Variants in LHX9 observed in about 807,000 individuals in gnomAD.
The protein encoded by LHX9 is LIM/homeobox protein Lhx9.
LHX9 carries 9 observed loss-of-function variants against 36.5 expected under a neutral mutation model. The observed-to-expected ratio is 0.25, with a 90% CI of 0.15 to 0.43. The LOEUF (loss-of-function observed/expected upper bound fraction) is 0.43. Ranked by LOEUF, LHX9 falls within the 20% of genes least tolerant of loss-of-function variation. LHX9 has a pLI of 1.00. For missense variants in LHX9, 464 were observed against 526.4 expected (o/e 0.88, Z 1.16); for synonymous variants, 211 against 212.1 (o/e 0.99, Z 0.04).
chr1:197,932,097 A>G lies in LHX9; in HGVS notation c.*2838A>G. ...AAGCCAAAAAAAAAGAGAGAGAGAG[A>G]GACTTAAATGTCATTTACTGAATGT... On this transcript the variant is annotated 3_prime_UTR_variant, in exon 5 of 5. Coordinates refer to ENST00000367387, the MANE Select transcript of LHX9 (RefSeq NM_020204.3). 4 of 678,312 alleles carry G rather than the reference A, an allele frequency of 5.9e-6. No homozygotes were observed. Among genetic ancestry groups the G allele is most frequent in the Non-Finnish European group, 9.9e-6 (4 of 404,988 alleles). The allele number at this position is 678,312 out of a possible 1,614,324, so 42.0% of individuals were successfully genotyped here. A position where few individuals can be genotyped will look rare whatever the true frequency, so the allele number is the denominator to read the frequency against.
chr1:197,931,850 T>C lies in LHX9; in HGVS notation c.*2591T>C. On this transcript the variant is annotated 3_prime_UTR_variant, in exon 5 of 5. Transcript: ENST00000367387. Reference sequence around the variant, plus strand: ...ACAAATGGATATTTGTAAATCTAAATAGAAATTGCAGACCCCTAAAAGCCA... The same window carrying C: ...ACAAATGGATATTTGTAAATCTAAACAGAAATTGCAGACCCCTAAAAGCCA... 4 of 1,017,694 alleles carry C rather than the reference T, an allele frequency of 3.9e-6. No individual in the cohort carries two copies. Among genetic ancestry groups the C allele is most frequent in the Admixed American group, 4.3e-5 (2 of 46,794 alleles). 63.0% of individuals were successfully genotyped at this position (1,017,694 alleles called of 1,614,324 possible).
Position 197,917,975 on chromosome 1 carries a change from C to A in LHX9, c.152C>A (p.Ala51Asp). The A allele has an allele frequency of 6.2e-7, 1 of 1,613,500 alleles. No homozygotes were observed. Among genetic ancestry groups the A allele is most frequent in the Non-Finnish European group, 8.5e-7 (1 of 1,179,702 alleles). The change falls in exon 1 of 5, where the codon GCC (alanine) becomes GAC (aspartate). Residue 51 changes from alanine to aspartate, a missense_variant. This residue lies in a region of LHX9 where 119 missense variants were observed against 102.4 expected (regional missense o/e 1.16). Transcript: ENST00000367387. ...ACTGAGGCCCGTCTGGCCAAAGGCG[C>A]CCAGCTCAACGGCCGCGACGCGGTA... ...SKTEARLAKG[A>D]QLNGRDAGMP...
chr1:197,923,495 CAGAGAGAG>C (rs148599324), intron 3 of LHX9, among the ~76,000 whole-genome samples: 3 of 147,666 alleles, frequency 2.0e-5, no homozygotes, highest in Non-Finnish European at 3.0e-5. Flanking sequence ...CCCTAATTCC[CAGAGAGAG>C]AGAGAGAGAG....
chr1:197,917,220 C>A, upstream of LHX9: 1 of 1,196,052 alleles, frequency 8.4e-7, no homozygotes, highest in Non-Finnish European at 1.1e-6. Flanking sequence ...GTCCTGCTTG[C>A]CCATCACCAG....
rs867426006 is a variant in LHX9 at position 197,929,517 on chromosome 1, A to T, written c.*258A>T. 42 of 963,684 alleles carry T rather than the reference A, an allele frequency of 4.4e-5. No homozygotes were observed. In the African/African-American group the frequency reaches 6.5e-4, roughly 15 times the overall value. 59.7% of individuals were successfully genotyped at this position (963,684 alleles called of 1,614,324 possible). A position where few individuals can be genotyped will look rare whatever the true frequency, so the allele number is the denominator to read the frequency against. The stretch of plus-strand genomic sequence containing the variant: ...AAATTAATTAGGTCTTTCAGTTGGT[A>T]AGGAGAGTTTTTGAATAATTCTAAT... On this transcript the variant is annotated 3_prime_UTR_variant, in exon 5 of 5. Coordinates refer to ENST00000367387, the MANE Select transcript of LHX9 (RefSeq NM_020204.3).
upstream of LHX9, chr1:197,912,536 T>A (rs1027278284): frequency 1.2e-6 from 2 of 1,614,126 alleles, no homozygotes; most frequent in African/African-American, 2.7e-5. Context: ...CTAAGAATGC[T>A]GAACGGTACC....
rs1660416671 is a variant in LHX9 at position 197,935,019 on chromosome 1, G to A, written c.*5760G>A. ...AGAGGGAAAGTTTAGAACTGTGCATGATACTCAAGGAAAAGTCTATGAATA... is the reference window on the plus strand; with the variant it reads ...AGAGGGAAAGTTTAGAACTGTGCATAATACTCAAGGAAAAGTCTATGAATA... On this transcript the variant is annotated 3_prime_UTR_variant, in exon 5 of 5. Transcript: ENST00000367387. 6.6e-6 allele frequency: 1 copy of A among 152,058 alleles called. No individual in the cohort carries two copies. Among genetic ancestry groups the A allele is most frequent in the African/African-American group, 2.4e-5 (1 of 41,394 alleles). The allele number at this position is 152,058 out of a possible 1,614,324, so 9.4% of individuals were successfully genotyped here.
intron 2 of LHX9, among the ~76,000 whole-genome samples, chr1:197,920,647 A>C (rs1038379920): frequency 6.6e-5 from 10 of 152,158 alleles, no homozygotes; most frequent in African/African-American, 2.4e-4. Flanking sequence ...TGCCATTGCC[A>C]AAACCCAAGC....
In LHX9 at chr1:197,920,046, T is replaced by C. The variant is rs1477271852; in HGVS notation, c.249T>C (p.Tyr83=). 1.9e-6 allele frequency: 3 copies of C among 1,614,132 alleles called. No homozygotes were observed. Among genetic ancestry groups the C allele is most frequent in the Non-Finnish European group, 2.5e-6 (3 of 1,180,046 alleles). Residue 83 remains tyrosine, a synonymous_variant, in exon 2 of 5, where the codon TAT becomes TAC. Transcript: ENST00000367387. ...GGGGCAAGATCTCGGACAGGTACTA[T>C]CTGCTGGCTGTGGACAAACAGTGGC... ...GCGGKISDRY[Y]LLAVDKQWHL...
At chr1:197,920,338 T>C in intron 2 of LHX9, among the ~76,000 whole-genome samples, 164 bp downstream of exon 2, 1 of 101,828 alleles carries the variant, frequency 9.8e-6, no homozygotes, top group African/African-American at 3.8e-5. Context: ...AGCTGTAATC[T>C]CCCTGACCGA....
In LHX9 at chr1:197,917,845, G is replaced by T; in HGVS notation, c.22G>T (p.Ala8Ser). The change falls in exon 1 of 5, where the codon GCA (alanine) becomes TCA (serine). Residue 8 changes from alanine (A) to serine (S), a missense_variant. By Grantham distance (99) the Ala-to-Ser change is moderately conservative (BLOSUM62 1). This residue lies in a region of LHX9 where 119 missense variants were observed against 102.4 expected (regional missense o/e 1.16). Coordinates refer to ENST00000367387, the MANE Select transcript of LHX9 (RefSeq NM_020204.3). ...GTATATGGAAATAGTGGGGTGCCGA[G>T]CAGAAGACAACTCGTGTCCTTTCCG... MEIVGCR[A>S]EDNSCPFRPP... The T allele has an allele frequency of 6.2e-7, 1 of 1,614,232 alleles. No individual in the cohort carries two copies. The highest frequency in any genetic ancestry group is 1.6e-4 in the Middle Eastern group (1 of 6,062).
intron 3 of LHX9, among the ~76,000 whole-genome samples, chr1:197,924,535 C>T (rs947539120): frequency 6.6e-6 from 1 of 152,170 alleles, no homozygotes; most frequent in Non-Finnish European, 1.5e-5. Context: ...AAATAAAGCC[C>T]TCTAGGGATG....
chr1:197,925,530 A>ATTCCTTTGACTAT (rs1660118135), intron 3 of LHX9, among the ~76,000 whole-genome samples: 1 of 152,020 alleles, frequency 6.6e-6, no homozygotes, highest in African/African-American at 2.4e-5. Context: ...CCCTTTGACT[A>ATTCCTTTGACTAT]TTTTTTGTGG....
chr1:197,921,237 G>A lies in LHX9; in HGVS notation c.378-67G>A. The A allele has an allele frequency of 7.3e-7, 1 of 1,378,792 alleles. No homozygotes were observed. The highest frequency in any genetic ancestry group is 1.0e-6 in the Non-Finnish European group (1 of 999,136). 85.4% of individuals were successfully genotyped at this position (1,378,792 alleles called of 1,614,324 possible). A position where few individuals can be genotyped will look rare whatever the true frequency, so the allele number is the denominator to read the frequency against. On this transcript the variant is annotated intron_variant, in intron 2 of 4. Coordinates refer to ENST00000367387, the MANE Select transcript of LHX9 (RefSeq NM_020204.3). This position sits in a 1 kb window ranked among gnomAD's most constrained non-coding sequence, Gnocchi z 4.6. ...TCAGGCCACTGCAGACCAAACCCAGGTGTCGCGGGTGGGATATGGCTCTGC... is the reference window on the plus strand; with the variant it reads ...TCAGGCCACTGCAGACCAAACCCAGATGTCGCGGGTGGGATATGGCTCTGC...
At chr1:197,927,009 G>A (rs969488987) in intron 3 of LHX9, among the ~76,000 whole-genome samples, 20 of 151,996 alleles carry the variant, frequency 1.3e-4, no homozygotes, top group African/African-American at 4.6e-4. Flanking sequence ...CCTGACTGAC[G>A]GAGCTCTAGG....
chr1:197,918,028 G>A (rs1177373724), intron 1 of LHX9, 31 bp downstream of exon 1: 4 of 1,601,668 alleles, frequency 2.5e-6, no homozygotes, highest in Non-Finnish European at 2.6e-6. Flanking sequence ...GGCGGTAGCC[G>A]GGCACCCCTG....
chr1:197,918,107 C>A (rs1659835588), intron 1 of LHX9, 110 bp downstream of exon 1: 1 of 1,216,208 alleles, frequency 8.2e-7, no homozygotes, highest in Non-Finnish European at 1.1e-6. Flanking sequence ...TAGAGACGTC[C>A]GCTTGAGGGT....
chr1:197,922,115 C>T (rs1301542154), intron 3 of LHX9, among the ~76,000 whole-genome samples: 1 of 151,826 alleles, frequency 6.6e-6, no homozygotes, highest in East Asian at 1.9e-4. Context: ...AGGCTGTGGT[C>T]ACCAGCCCAA....
At position 197,921,741 on chromosome 1, in the gene LHX9, T is replaced by C; in HGVS notation, c.733+82T>C. ...AGAGCTCCTTCCCCGTCCAAAGTCTTGCTGCAAGAGTGTGTTTTGCCCAAT... is the reference window on the plus strand; with the variant it reads ...AGAGCTCCTTCCCCGTCCAAAGTCTCGCTGCAAGAGTGTGTTTTGCCCAAT... On this transcript the variant is annotated intron_variant, in intron 3 of 4. Coordinates refer to ENST00000367387, the MANE Select transcript of LHX9 (RefSeq NM_020204.3). The surrounding 1 kb of genome is among the most constrained non-coding windows in gnomAD (Gnocchi z 4.6). 1 of 1,202,642 alleles carries C rather than the reference T, an allele frequency of 8.3e-7. No individual in the cohort carries two copies. The highest frequency in any genetic ancestry group is 1.1e-6 in the Non-Finnish European group (1 of 877,668). 74.5% of individuals were successfully genotyped at this position (1,202,642 alleles called of 1,614,324 possible).
Sources: allele counts gnomAD v4.1 joint callset (sites outside exome capture counted in the v4.1 genomes callset), GRCh38; gene constraint gnomAD v4.1.1; regional missense constraint gnomAD v4.1.1; non-coding constraint Gnocchi (gnomAD v3.1); transcripts MANE v1.5; gene names NCBI Gene and HGNC (gene_info 2026-07-23, HGNC 2026-07-21).